Variants in SCN2A observed in about 807,000 individuals in gnomAD.
SCN2A encodes the protein sodium voltage-gated channel alpha subunit 2.
In SCN2A, 20 loss-of-function variants were observed where a neutral mutation model predicts 188.7. The observed-to-expected ratio is 0.11, with a 90% CI of 0.07 to 0.15. The LOEUF is 0.15. Among genes scored for constraint, SCN2A ranks in the 10% least tolerant of loss-of-function variants. SCN2A has a pLI of 1.00. For synonymous variants in SCN2A, 804 were observed against 833.1 expected (o/e 0.97, Z 0.60); for missense variants, 1,278 against 2,445.0 (o/e 0.52, Z 10.07).
At chr2:165,291,278 A>G (rs1182481348) in intron 1 of SCN2A, among the ~76,000 whole-genome samples, 1 of 151,086 alleles carries the variant, frequency 6.6e-6, no homozygotes, top group African/African-American at 2.4e-5. Flanking sequence ...TCCTGGCCTC[A>G]AGCAATCTGC....
chr2:165,284,843 CT>C (rs1695759653), intron 1 of SCN2A, among the ~76,000 whole-genome samples: 1 of 152,140 alleles, frequency 6.6e-6, no homozygotes, highest in South Asian at 2.1e-4. Context: ...TAGAGGTGGC[CT>C]TCCTGCTGAT....
intron 1 of SCN2A, chr2:165,273,125 G>A (rs1392924232): frequency 6.6e-6 from 1 of 152,026 alleles, no homozygotes; most frequent in Admixed American, 6.6e-5. Context: ...AAACATTTTG[G>A]CAATTTTCTC....
intron 19 of SCN2A, among the ~76,000 whole-genome samples, chr2:165,369,514 T>C (rs1265580854): frequency 6.6e-6 from 1 of 152,226 alleles, no homozygotes; most frequent in Non-Finnish European, 1.5e-5. Flanking sequence ...CAGGTTTTCC[T>C]GATAATTTTT....
At chr2:165,306,137 G>A (rs552486925) in intron 3 of SCN2A, among the ~76,000 whole-genome samples, 3 of 152,320 alleles carry the variant, frequency 2.0e-5, no homozygotes, top group South Asian at 4.1e-4. Context: ...GCGGGGCATT[G>A]TGATGCTGTC....
chr2:165,246,557 C>T (rs1693855605), intron 1 of SCN2A, among the ~76,000 whole-genome samples: 3 of 152,120 alleles, frequency 2.0e-5, no homozygotes, highest in Admixed American at 2.0e-4. Flanking sequence ...CTTTGATTAT[C>T]TCTCACTAAA....
At chr2:165,376,164 T>G (rs894674238) in intron 22 of SCN2A, among the ~76,000 whole-genome samples, 1 of 151,756 alleles carries the variant, frequency 6.6e-6, no homozygotes. Context: ...ATTATATACT[T>G]GAAAATAGCT....
chr2:165,306,355 G>C (rs990685900), intron 3 of SCN2A, among the ~76,000 whole-genome samples: 1 of 152,142 alleles, frequency 6.6e-6, no homozygotes, highest in Non-Finnish European at 1.5e-5. Flanking sequence ...CTGCCACGGG[G>C]TGTTATTTTT....
At chr2:165,291,579 C>CCTT (rs1559340835) in intron 1 of SCN2A, among the ~76,000 whole-genome samples, 8 of 72,878 alleles carry the variant, frequency 1.1e-4, no homozygotes, top group African/African-American at 2.0e-4. Context: ...CTTCCTTTCT[C>CCTT]TCTCTCTCTC....
chr2:165,254,844 A>T (rs1243454455), intron 1 of SCN2A, among the ~76,000 whole-genome samples: 1 of 151,782 alleles, frequency 6.6e-6, no homozygotes, highest in African/African-American at 2.4e-5. Flanking sequence ...TTTTATGACC[A>T]GTATATATTT....
chr2:165,354,045 C>CT (rs1249483963), intron 16 of SCN2A, 147 bp from the exon 17 acceptor site: 8 of 1,000,932 alleles, frequency 8.0e-6, no homozygotes, highest in Non-Finnish European at 9.3e-6. Context: ...ATTTCATTCA[C>CT]TTTTTTTCAG....
At chr2:165,351,281 A>G (rs1418285986) in intron 16 of SCN2A, among the ~76,000 whole-genome samples, 11 of 152,252 alleles carry the variant, frequency 7.2e-5, no homozygotes, top group African/African-American at 2.6e-4. Flanking sequence ...CCACGGGTAG[A>G]TTGGCTGCTT....
intron 3 of SCN2A, among the ~76,000 whole-genome samples, chr2:165,307,057 A>G (rs1023262815): frequency 6.6e-6 from 1 of 152,288 alleles, no homozygotes; most frequent in East Asian, 1.9e-4. Flanking sequence ...GGCATTGGCT[A>G]TACCTGCAAA....
chr2:165,274,279 A>G (rs530332083), intron 1 of SCN2A: 1 of 151,974 alleles, frequency 6.6e-6, no homozygotes, highest in East Asian at 1.9e-4. Flanking sequence ...ACTTACTCCC[A>G]ATAATCTGAA....
intron 2 of SCN2A, 66 bp downstream of exon 2, chr2:165,296,156 T>G: frequency 6.6e-7 from 1 of 1,503,780 alleles, no homozygotes; most frequent in East Asian, 2.3e-5. Flanking sequence ...GTCCCAGGGA[T>G]GATGGTGAAG....
intron 19 of SCN2A, among the ~76,000 whole-genome samples, chr2:165,368,174 C>G (rs1379285375): frequency 6.6e-6 from 1 of 152,098 alleles, no homozygotes; most frequent in Non-Finnish European, 1.5e-5. Flanking sequence ...AGGTAATCTT[C>G]CCCTGGAGTC....
chr2:165,308,249 A>T (rs953753713), intron 4 of SCN2A, among the ~76,000 whole-genome samples: 1 of 152,054 alleles, frequency 6.6e-6, no homozygotes, highest in African/African-American at 2.4e-5. Context: ...CCTAGTTTTT[A>T]TGTTCCTTTT....
chr2:165,260,427 G>T (rs1471846404), intron 1 of SCN2A, among the ~76,000 whole-genome samples: 1 of 152,134 alleles, frequency 6.6e-6, no homozygotes, highest in Admixed American at 6.6e-5. Flanking sequence ...TTAACTGTGA[G>T]CTTAAAATAT....
intron 21 of SCN2A, 64 bp from the exon 22 acceptor site, chr2:165,374,621 T>C (rs569397044): frequency 3.2e-6 from 5 of 1,545,908 alleles, no homozygotes; most frequent in Non-Finnish European, 2.7e-6. Context: ...TTTAATAATG[T>C]TTAAAAATAA....
At chr2:165,258,772 T>C (rs1210839590) in intron 1 of SCN2A, among the ~76,000 whole-genome samples, 1 of 152,240 alleles carries the variant, frequency 6.6e-6, no homozygotes. Flanking sequence ...TATAAGATTA[T>C]GTCCTCTGCA....
Sources: allele counts gnomAD v4.1 joint callset (sites outside exome capture counted in the v4.1 genomes callset), GRCh38; gene constraint gnomAD v4.1.1; transcripts MANE v1.5; gene names NCBI Gene and HGNC (gene_info 2026-07-23, HGNC 2026-07-21).